Variants in DMXL2 observed in about 807,000 individuals in gnomAD.
DMXL2 encodes Dmx like 2.
Under a neutral mutation model 331.1 loss-of-function variants are expected in DMXL2, and 103 were observed. The observed-to-expected ratio is 0.31, with a 90% CI of 0.27 to 0.37. DMXL2 has a LOEUF of 0.37. Ranked by LOEUF, DMXL2 falls within the 10% of genes least tolerant of loss-of-function variation. The pLI, the probability that DMXL2 is intolerant of heterozygous loss-of-function variation, is 1.00. For missense variants in DMXL2, 3,171 were observed against 3,642.9 expected, an observed-to-expected ratio of 0.87 and a Z score of 3.33; for synonymous variants, 1,281 against 1,252.1, an observed-to-expected ratio of 1.02 and a Z score of -0.49.
chr15:51,465,308 T>C (rs1011548470), intron 31 of DMXL2, among the ~76,000 whole-genome samples: 1 of 152,182 alleles, frequency 6.6e-6, no homozygotes, highest in African/African-American at 2.4e-5. Flanking sequence ...GGTGGGAGGA[T>C]GGCTTGAGCC....
At chr15:51,542,227 A>T in intron 9 of DMXL2, 106 bp downstream of exon 9, 2 of 1,133,286 alleles carry the variant, frequency 1.8e-6, no homozygotes, top group Non-Finnish European at 2.5e-6. Context: ...TAAGTATTTT[A>T]AAGGCAACAT....
Position 51,480,748 on chromosome 15 carries a change from C to T in DMXL2, c.6358G>A (p.Asp2120Asn). The change falls in exon 24 of 44, where the codon GAT becomes AAT. Residue 2120 changes from aspartate (D) to asparagine (N), a missense_variant. By Grantham distance (23) the Asp-to-Asn change is conservative (BLOSUM62 1). This residue lies in a region of DMXL2 where 197 missense variants were observed against 196.2 expected (regional missense o/e 1.00). Transcript: ENST00000560891. Reference sequence around the variant, plus strand: ...TGATGGCGCTCATAGGAACCAATATCTGGTTTGTCTACCATTTCTTCCTGA... The same window carrying T: ...TGATGGCGCTCATAGGAACCAATATTTGGTTTGTCTACCATTTCTTCCTGA... ...LDQEEMVDKPDIGSYERHQIE... is the reference protein window; with the variant it reads ...LDQEEMVDKPNIGSYERHQIE... 6.3e-7 allele frequency: 1 copy of T among 1,599,902 alleles called. No homozygotes were observed. The highest frequency in any genetic ancestry group is 8.5e-7 in the Non-Finnish European group (1 of 1,170,234).
At position 51,471,400 on chromosome 15, in the gene DMXL2, T is replaced by C; in HGVS notation, c.7215A>G (p.Ala2405=). ...CTATGTCTTCAGAAAGGACAGGAGG[T>C]GCTAAATGAAGATAGAAGGAAAAAA... ...KPRRQSENIS[A]PPVLSEDIDK... is the part of the protein sequence containing the mutation. The change falls in exon 29 of 44, where the codon GCA becomes GCG. Residue 2405 remains alanine (A), a splice_region_variant and synonymous_variant. Transcript: ENST00000560891. 2 of 1,582,040 alleles carry C rather than the reference T, an allele frequency of 1.3e-6. No individual in the cohort carries two copies. Among genetic ancestry groups the C allele is most frequent in the South Asian group, 1.2e-5 (1 of 85,854 alleles).
chr15:51,491,487 T>C (rs964768600), intron 20 of DMXL2, 91 bp downstream of exon 20: 5 of 1,313,006 alleles, frequency 3.8e-6, no homozygotes, highest in Non-Finnish European at 5.3e-6. Flanking sequence ...CAAACAAATT[T>C]CCCACTACAG....
At chr15:51,535,286 C>T (rs1175422804) in intron 13 of DMXL2, among the ~76,000 whole-genome samples, 2 of 152,092 alleles carry the variant, frequency 1.3e-5, no homozygotes, top group Non-Finnish European at 2.9e-5. Flanking sequence ...GTGAATCAAG[C>T]TTGAAAAAGT....
Position 51,486,126 on chromosome 15 carries a change from C to T in DMXL2, c.5429G>A (p.Arg1810Gln), listed in dbSNP as rs1318605701. Residue 1810 changes from arginine (R) to glutamine (Q), a missense_variant, in exon 23 of 44, where the codon CGA becomes CAA. Around this residue, in one of 7 missense-constraint regions of DMXL2, gnomAD observed 252 missense variants for 387.4 expected, o/e 0.65. Coordinates refer to ENST00000560891, the MANE Select transcript of DMXL2 (RefSeq NM_001378457.1). ...LAYWVMKDYT[R>Q]ALDTLLEQTP... Reference sequence around the variant, plus strand: ...TTGTTCCAGTAATGTGTCCAAGGCTCGGGTGTAATCTTTCATTACCCAATA... The same window carrying T: ...TTGTTCCAGTAATGTGTCCAAGGCTTGGGTGTAATCTTTCATTACCCAATA... 3.7e-6 allele frequency: 6 copies of T among 1,613,806 alleles called. No individual in the cohort carries two copies. The highest frequency in any genetic ancestry group is 5.1e-6 in the Non-Finnish European group (6 of 1,179,908).
At chr15:51,508,347 C>T (rs966427934) in intron 15 of DMXL2, among the ~76,000 whole-genome samples, 13 of 151,992 alleles carry the variant, frequency 8.6e-5, no homozygotes, top group Non-Finnish European at 1.2e-4. Flanking sequence ...AAAAAAGAAA[C>T]AGTTTGGAAG....
intron 30 of DMXL2, 105 bp from the exon 31 acceptor site, chr15:51,465,756 A>T: frequency 1.2e-6 from 1 of 816,432 alleles, no homozygotes; most frequent in Admixed American, 2.9e-5. Flanking sequence ...CAACCCAGAA[A>T]AAAAGCTGTC....
At chr15:51,563,294 G>T in intron 6 of DMXL2, 87 bp downstream of exon 6, 2 of 1,131,134 alleles carry the variant, frequency 1.8e-6, no homozygotes, top group Non-Finnish European at 2.5e-6. Context: ...CAGTTTTACA[G>T]ATGAGAAAAC....
intron 11 of DMXL2, 75 bp from the exon 12 acceptor site, chr15:51,536,937 AC>A: frequency 8.0e-7 from 1 of 1,245,672 alleles, no homozygotes; most frequent in Non-Finnish European, 1.1e-6. Flanking sequence ...TTCTCAAAAT[AC>A]CAAATCTCAG....
chr15:51,469,450 T>A (rs983873054), intron 29 of DMXL2, among the ~76,000 whole-genome samples: 7 of 152,200 alleles, frequency 4.6e-5, no homozygotes, highest in Admixed American at 3.9e-4. Flanking sequence ...AAAAACTGTT[T>A]ACCTTGTTAA....
chr15:51,538,922 C>G lies in DMXL2; in HGVS notation c.1106-470G>C, dbSNP rs112700690. ...ACTTACTTTGAAAAGACTAAGAAAACATTTCGACCATGTGCGGTGACTCAT... is the reference window on the plus strand; with the variant it reads ...ACTTACTTTGAAAAGACTAAGAAAAGATTTCGACCATGTGCGGTGACTCAT... On this transcript the variant is annotated intron_variant, in intron 9 of 43. Transcript: ENST00000560891. Among the ~76,000 whole-genome samples, 246 of 152,164 alleles carry G rather than the reference C, an allele frequency of 1.6e-3. No homozygotes were observed. The Middle Eastern group carries it at 0.02, about 13-fold the overall frequency.
Position 51,486,937 on chromosome 15 carries a change from T to A in DMXL2, c.5218-600A>T, listed in dbSNP as rs555512628. ...TTTGTTATTTAAAAAAAGAAACTCA[T>A]ATGCCTGGGATAATTGTAAAAAAAA... On this transcript the variant is annotated intron_variant, in intron 22 of 43. Transcript: ENST00000560891. Among the ~76,000 whole-genome samples, 8 of 152,218 alleles carry A rather than the reference T, an allele frequency of 5.3e-5. No individual in the cohort carries two copies. The South Asian group carries it at 1.4e-3, about 28-fold the overall frequency.
intron 13 of DMXL2, among the ~76,000 whole-genome samples, chr15:51,526,130 G>C (rs1379424079): frequency 2.2e-5 from 3 of 133,726 alleles, no homozygotes; most frequent in Non-Finnish European, 3.2e-5. Flanking sequence ...GAGGGGGAAG[G>C]AGAGAGAGGG....
intron 15 of DMXL2, among the ~76,000 whole-genome samples, chr15:51,507,796 G>C (rs751873315): frequency 9.3e-5 from 14 of 149,754 alleles, no homozygotes; most frequent in Admixed American, 5.3e-4. Flanking sequence ...TGCTTTTCTT[G>C]CATGAAAACA....
At chr15:51,593,090 A>G (rs2052518074) in intron 1 of DMXL2, among the ~76,000 whole-genome samples, 1 of 152,232 alleles carries the variant, frequency 6.6e-6, no homozygotes, top group South Asian at 2.1e-4. Flanking sequence ...TAAATGGGCT[A>G]AATGCTCCAA....
intron 6 of DMXL2, among the ~76,000 whole-genome samples, chr15:51,550,811 G>C (rs1180593153): frequency 6.6e-6 from 1 of 151,992 alleles, no homozygotes; most frequent in East Asian, 1.9e-4. Flanking sequence ...GGTAGAAAAG[G>C]CTCTTTAGTA....
chr15:51,491,691 T>C lies in DMXL2; in HGVS notation c.4840A>G (p.Ile1614Val), dbSNP rs1431258097. ...CTCTGAATTGCTGGAATCATATTAATCAGTTCTTCTTCAGCCTCAGAATGA... is the reference window on the plus strand; with the variant it reads ...CTCTGAATTGCTGGAATCATATTAACCAGTTCTTCTTCAGCCTCAGAATGA... ...AFHSEAEEEL[I>V]NMIPAIQRGD... The change falls in exon 20 of 44, where the codon ATT (isoleucine) becomes GTT (valine). Residue 1614 changes from isoleucine (I) to valine (V), a missense_variant. Ile to Val is a conservative substitution (Grantham distance 29, BLOSUM62 3). Around this residue, in one of 7 missense-constraint regions of DMXL2, gnomAD observed 252 missense variants for 387.4 expected, o/e 0.65. Transcript: ENST00000560891. 1.2e-6 allele frequency: 2 copies of C among 1,613,566 alleles called. No homozygotes were observed. The highest frequency in any genetic ancestry group is 1.7e-6 in the Non-Finnish European group (2 of 1,179,852).
At position 51,480,049 on chromosome 15, in the gene DMXL2, T is replaced by C; in HGVS notation, c.6655A>G (p.Ile2219Val). 1.2e-6 allele frequency: 2 copies of C among 1,603,736 alleles called. No homozygotes were observed. Among genetic ancestry groups the C allele is most frequent in the Non-Finnish European group, 1.7e-6 (2 of 1,171,948 alleles). The stretch of plus-strand genomic sequence containing the variant: ...TTTAAGTACAATACAGGATTAGCTA[T>C]GACTGTTTTTGTTGACGCAATACTT... ...SASIASTKTV[I>V]ANPVLYLNNH... is the part of the protein sequence containing the mutation. The change falls in exon 25 of 44, where the codon ATA becomes GTA. Residue 2219 changes from isoleucine (I) to valine (V), a missense_variant. Around this residue, in one of 7 missense-constraint regions of DMXL2, gnomAD observed 197 missense variants for 196.2 expected, o/e 1.00. Coordinates refer to ENST00000560891, the MANE Select transcript of DMXL2 (RefSeq NM_001378457.1).
Sources: gnomAD v4.1 joint callset for allele counts (sites outside exome capture counted in the v4.1 genomes callset) on GRCh38, gnomAD v4.1.1 for gene constraint, gnomAD v4.1.1 regional missense constraint, MANE v1.5 for transcripts, NCBI Gene and HGNC (gene_info 2026-07-23, HGNC 2026-07-21) for gene names.